The following ELK3 variants were observed in gnomAD, a reference collection of about 807,000 sequenced individuals.
ELK3 encodes the protein ETS transcription factor ELK3.
Under a neutral mutation model 28.9 loss-of-function variants are expected in ELK3, and 10 were observed. The ratio of observed to expected loss-of-function variants is 0.35; its 90% confidence interval spans 0.21 to 0.59. The LOEUF (loss-of-function observed/expected upper bound fraction) is 0.59, where lower values mean the gene tolerates loss of function less well. Among genes scored for constraint, ELK3 ranks in the 20% least tolerant of loss-of-function variants. The pLI is 0.82. For missense variants in ELK3, 463 were observed against 517.3 expected (o/e 0.90, Z 1.02); for synonymous variants, 272 against 243.5 (o/e 1.12, Z -1.09).
intron 3 of ELK3, among the ~76,000 whole-genome samples, chr12:96,254,104 A>T (rs1951928321): frequency 6.6e-6 from 1 of 152,202 alleles, no homozygotes. Flanking sequence ...GGGGGCGGAT[A>T]GCTTGAGGTC....
rs867556008 is a variant in ELK3, at chr12:96,240,623, A to C, written c.208-6317A>C. The stretch of plus-strand genomic sequence containing the variant: ...TCCCCCTTACCCAGTGCAGGGGTTA[A>C]GAAGGGCCTGTTTGTTAGGAAAAGT... On this transcript the variant is annotated intron_variant, in intron 2 of 4. Transcript: ENST00000228741. Among the ~76,000 whole-genome samples the C allele has an allele frequency of 2.0e-5, 3 of 152,326 alleles. No homozygotes were observed. The South Asian group carries it at 6.2e-4, about 32-fold the overall frequency.
chr12:96,262,811 A>G (rs898236846), intron 4 of ELK3, among the ~76,000 whole-genome samples: 7 of 151,922 alleles, frequency 4.6e-5, no homozygotes, highest in Admixed American at 2.0e-4. Flanking sequence ...TTATTTTTTT[A>G]AGAACTTTTT....
chr12:96,235,451 G>T (rs565067904), intron 2 of ELK3, among the ~76,000 whole-genome samples: 1 of 152,112 alleles, frequency 6.6e-6, no homozygotes, highest in Non-Finnish European at 1.5e-5. Context: ...AGCCGAGGGC[G>T]TGGCAGCACC....
chr12:96,238,931 C>T (rs1951801388), intron 2 of ELK3, among the ~76,000 whole-genome samples: 1 of 152,150 alleles, frequency 6.6e-6, no homozygotes, highest in Admixed American at 6.5e-5. Flanking sequence ...CCTCTGCTTC[C>T]AAATGCAGCT....
intron 2 of ELK3, among the ~76,000 whole-genome samples, chr12:96,243,358 C>T (rs1214422902): frequency 6.6e-6 from 1 of 152,158 alleles, no homozygotes; most frequent in Non-Finnish European, 1.5e-5. Flanking sequence ...TGATTCTGGA[C>T]ATTTCATATA....
intron 2 of ELK3, among the ~76,000 whole-genome samples, chr12:96,234,520 T>C (rs1349680062): frequency 6.6e-6 from 1 of 152,050 alleles, no homozygotes; most frequent in Non-Finnish European, 1.5e-5. Flanking sequence ...CCTCAGCTGC[T>C]CCTCTGCACG....
chr12:96,268,083 CAGTAT>C lies in ELK3; in HGVS notation c.*905_*909del, dbSNP rs1263906283. 1 of 152,156 alleles carries C rather than the reference CAGTAT, an allele frequency of 6.6e-6. No individual in the cohort carries two copies. Among genetic ancestry groups the C allele is most frequent in the East Asian group, 1.9e-4 (1 of 5,198 alleles). 9.4% of individuals were successfully genotyped at this position (152,156 alleles called of 1,614,324 possible). Reference sequence around the variant, plus strand: ...CGACCATCTGATATATTTACTGTGTCAGTATAAGTAAGTTGGGGTTCCCCTGGAAC... The same window carrying C: ...CGACCATCTGATATATTTACTGTGTCAAGTAAGTTGGGGTTCCCCTGGAAC... On this transcript the variant is annotated 3_prime_UTR_variant, in exon 5 of 5. Transcript: ENST00000228741.
At chr12:96,239,321 T>C (rs938839680) in intron 2 of ELK3, among the ~76,000 whole-genome samples, 6 of 152,270 alleles carry the variant, frequency 3.9e-5, no homozygotes, top group Non-Finnish European at 7.4e-5. Flanking sequence ...CTGTTTTTTT[T>C]CCCCACCTAA....
intron 1 of ELK3, among the ~76,000 whole-genome samples, chr12:96,219,387 G>A (rs1270223908): frequency 6.6e-6 from 1 of 152,162 alleles, no homozygotes; most frequent in African/African-American, 2.4e-5. Flanking sequence ...GTTATTGGAA[G>A]GGCGTACCTC....
In ELK3 at chr12:96,247,214, T is replaced by G; in HGVS notation, c.482T>G (p.Ile161Ser). The G allele has an allele frequency of 6.2e-7, 1 of 1,614,196 alleles. No homozygotes were observed. Among genetic ancestry groups the G allele is most frequent in the Non-Finnish European group, 8.5e-7 (1 of 1,180,024 alleles). The change falls in exon 3 of 5, where the codon ATC becomes AGC. Residue 161 changes from isoleucine (I) to serine (S), a missense_variant. Transcript: ENST00000228741. The surrounding 1 kb of genome is among the most constrained non-coding windows in gnomAD (Gnocchi z 5.5). The stretch of plus-strand genomic sequence containing the variant: ...AACCCACCAGACGCCTTCAAGGCCA[T>G]CAAGACGGAGAAGCTGGAGGAGCCG... ...LQNPPDAFKA[I>S]KTEKLEEPPE... is the part of the protein sequence containing the mutation.
chr12:96,247,213 A>G lies in ELK3; in HGVS notation c.481A>G (p.Ile161Val), dbSNP rs200954496. 8 of 1,614,228 alleles carry G rather than the reference A, an allele frequency of 5.0e-6. No individual in the cohort carries two copies. In the African/African-American group the frequency reaches 1.1e-4, roughly 22 times the overall value. ...LQNPPDAFKA[I>V]KTEKLEEPPE... Reference sequence around the variant, plus strand: ...GAACCCACCAGACGCCTTCAAGGCCATCAAGACGGAGAAGCTGGAGGAGCC... The same window carrying G: ...GAACCCACCAGACGCCTTCAAGGCCGTCAAGACGGAGAAGCTGGAGGAGCC... The change falls in exon 3 of 5, where the codon ATC (isoleucine) becomes GTC (valine). Residue 161 changes from isoleucine (I) to valine (V), a missense_variant. By Grantham distance (29) the Ile-to-Val change is conservative. This residue lies in a region of ELK3 where 408 missense variants were observed against 414.8 expected (regional missense o/e 0.98). Transcript: ENST00000228741. The surrounding 1 kb of genome is among the most constrained non-coding windows in gnomAD (Gnocchi z 5.5).
chr12:96,267,132 C>T lies in ELK3; in HGVS notation c.1176C>T (p.Asp392=), dbSNP rs779351942. The part of the protein sequence containing the change: ...GHMPVPIPSL[D]RAASPVLLSS... ...TGCCAGTGCCAATCCCCAGTCTGGA[C>T]AGAGCTGCTTCTCCAGTACTGCTTT... The change falls in exon 5 of 5, where the codon GAC becomes GAT. Residue 392 remains aspartate, a synonymous_variant. Coordinates refer to ENST00000228741, the MANE Select transcript of ELK3 (RefSeq NM_005230.4). 18 of 1,613,712 alleles carry T rather than the reference C, an allele frequency of 1.1e-5. No homozygotes were observed. The highest frequency in any genetic ancestry group is 1.5e-5 in the Non-Finnish European group (18 of 1,179,822).
chr12:96,247,537 G>C lies in ELK3; in HGVS notation c.805G>C (p.Asp269His), dbSNP rs748094393. Residue 269 changes from aspartate to histidine, a missense_variant, in exon 3 of 5, where the codon GAT becomes CAT. This residue lies in a region of ELK3 where 408 missense variants were observed against 414.8 expected (regional missense o/e 0.98). Transcript: ENST00000228741. This position sits in a 1 kb window ranked among gnomAD's most constrained non-coding sequence, Gnocchi z 5.5. Reference sequence around the variant, plus strand: ...CCTGGAGGCCGCCTGCCATGACTCCGATTCCCTGGAGCCCTTGAACCTGTC... The same window carrying C: ...CCTGGAGGCCGCCTGCCATGACTCCCATTCCCTGGAGCCCTTGAACCTGTC... ...LFLEAACHDS[D>H]SLEPLNLSSG... 1.9e-6 allele frequency: 3 copies of C among 1,613,828 alleles called. No homozygotes were observed. In the East Asian group the frequency reaches 6.7e-5, roughly 36 times the overall value.
At chr12:96,226,370 A>G (rs1381752274) in intron 2 of ELK3, among the ~76,000 whole-genome samples, 2 of 152,212 alleles carry the variant, frequency 1.3e-5, no homozygotes, top group Admixed American at 6.5e-5. Context: ...ATCCTGTTGT[A>G]TCATGTAGAC....
intron 2 of ELK3, among the ~76,000 whole-genome samples, chr12:96,238,660 G>T (rs553291212): frequency 6.6e-6 from 1 of 152,198 alleles, no homozygotes; most frequent in Non-Finnish European, 1.5e-5. Flanking sequence ...TGGGTCCCCC[G>T]TGCCTCATGT....
chr12:96,218,710 G>A (rs1345635678), intron 1 of ELK3, among the ~76,000 whole-genome samples: 2 of 148,646 alleles, frequency 1.3e-5, no homozygotes, highest in African/African-American at 2.5e-5. Flanking sequence ...GTGTAGTGGC[G>A]CGATCTTGCC....
At chr12:96,229,823 C>T (rs562522824) in intron 2 of ELK3, among the ~76,000 whole-genome samples, 1 of 152,252 alleles carries the variant, frequency 6.6e-6, no homozygotes, top group African/African-American at 2.4e-5. Context: ...AGCCACCGTG[C>T]CTGGCCGATT....
rs1351646693 is a variant in ELK3 at position 96,269,185 on chromosome 12, G to GTAAT, written c.*2008_*2011dup. 1.3e-5 allele frequency: 2 copies of GTAAT among 152,148 alleles called. No individual in the cohort carries two copies. Among genetic ancestry groups the GTAAT allele is most frequent in the East Asian group, 1.9e-4 (1 of 5,204 alleles). 9.4% of individuals were successfully genotyped at this position (152,148 alleles called of 1,614,324 possible). On this transcript the variant is annotated 3_prime_UTR_variant, in exon 5 of 5. Coordinates refer to ENST00000228741, the MANE Select transcript of ELK3 (RefSeq NM_005230.4). Reference sequence around the variant, plus strand: ...TGTCTCCCCCATGCCTAGCTGTTAAGTAATTACTGGTTCAAAACTACGTGT... The same window carrying GTAAT: ...TGTCTCCCCCATGCCTAGCTGTTAAGTAATTAATTACTGGTTCAAAACTACGTGT...
chr12:96,228,025 G>T (rs11834920), intron 2 of ELK3, among the ~76,000 whole-genome samples: 1 of 152,134 alleles, frequency 6.6e-6, no homozygotes, highest in African/African-American at 2.4e-5. Flanking sequence ...AAGAAAATTA[G>T]AAACTGGGAG....
Sources: allele counts gnomAD v4.1 joint callset (sites outside exome capture counted in the v4.1 genomes callset), GRCh38; gene constraint gnomAD v4.1.1; regional missense constraint gnomAD v4.1.1; non-coding constraint Gnocchi (gnomAD v3.1); transcripts MANE v1.5; gene names NCBI Gene and HGNC (gene_info 2026-07-23, HGNC 2026-07-21).